ACYP2: variants seen among roughly 807,000 people sequenced by gnomAD.
ACYP2 encodes acylphosphatase 2.
Under a neutral mutation model 11.2 loss-of-function variants are expected in ACYP2, and 12 were observed. The ratio of observed to expected loss-of-function variants is 1.08; its 90% CI spans 0.69 to 1.74. The LOEUF is 1.74. ACYP2 is among the 40% of genes most tolerant of loss of function. The probability of loss-of-function intolerance (pLI) is 0.00; values close to 1 mark genes in which losing one functional copy is unlikely to be tolerated. For synonymous variants in ACYP2, 43 were observed against 32.2 expected (o/e 1.33, Z -1.13); for missense variants, 134 against 101.9 (o/e 1.31, Z -1.35).
intron 6 of ACYP2, among the ~76,000 whole-genome samples, chr2:54,176,737 A>G (rs903029502): frequency 1.3e-5 from 2 of 152,120 alleles, no homozygotes; most frequent in African/African-American, 2.4e-5. Flanking sequence ...GTTAGCTGCT[A>G]ATGGTTCTAT....
chr2:54,285,342 T>C (rs921515059), intron 6 of ACYP2, among the ~76,000 whole-genome samples: 17 of 152,212 alleles, frequency 1.1e-4, no homozygotes, highest in Admixed American at 3.3e-4. Flanking sequence ...ACTTGCTCCA[T>C]CTTCTCAGCC....
chr2:54,201,683 TCTCTCTCTCTCTCTCTTTTTTCTTTTC>T (rs1684835480), intron 6 of ACYP2, among the ~76,000 whole-genome samples: 1 of 76,768 alleles, frequency 1.3e-5, no homozygotes, highest in Non-Finnish European at 3.0e-5. Flanking sequence ...TCTTTCTTTC[TCTCTCTCTCTCTCTCTTTTTTCTTTTC>T]TTTTCTTTCT....
Position 54,047,253 on chromosome 2 carries a change from C to A in ACYP2, c.63-3705C>A, listed in dbSNP as rs928943827. 3.3e-5 allele frequency among the ~76,000 whole-genome samples: 5 copies of A among 152,172 alleles called. No homozygotes were observed. The East Asian group carries it at 9.6e-4, about 29-fold the overall frequency. On this transcript the variant is annotated intron_variant, in intron 2 of 6. Coordinates refer to ENST00000607452, the MANE Select transcript of ACYP2 (RefSeq NM_001320586.2). The stretch of plus-strand genomic sequence containing the variant: ...TTCACTGACACATTTTGTGCCAGAA[C>A]CGCAGGAGAGTAGGTGTTATTTCAA...
chr2:53,976,076 A>G (rs1299801863), intron 2 of ACYP2, among the ~76,000 whole-genome samples: 2 of 152,242 alleles, frequency 1.3e-5, no homozygotes, highest in African/African-American at 4.8e-5. Flanking sequence ...CTAATTAATC[A>G]CTTATTAGCA....
At chr2:54,204,393 G>A (rs530814871) in intron 6 of ACYP2, among the ~76,000 whole-genome samples, 41 of 151,348 alleles carry the variant, frequency 2.7e-4, no homozygotes, top group African/African-American at 7.8e-4. Flanking sequence ...TCTTCTTCCA[G>A]TGTGGCCCAG....
At chr2:53,997,953 AG>A (rs1210360943) in intron 2 of ACYP2, among the ~76,000 whole-genome samples, 3 of 152,176 alleles carry the variant, frequency 2.0e-5, no homozygotes, top group African/African-American at 4.8e-5. Context: ...AGACCTATTG[AG>A]GCTATTTATG....
chr2:54,234,970 G>A (rs1462041966), intron 6 of ACYP2, among the ~76,000 whole-genome samples: 1 of 152,092 alleles, frequency 6.6e-6, no homozygotes, highest in Non-Finnish European at 1.5e-5. Context: ...ACTAGATCCT[G>A]TTCAGACATT....
chr2:54,177,989 C>T (rs946375772), intron 6 of ACYP2, among the ~76,000 whole-genome samples: 3 of 150,660 alleles, frequency 2.0e-5, no homozygotes, highest in African/African-American at 7.3e-5. Context: ...ACTGCAAACT[C>T]TACCTCCCAG....
In ACYP2 at chr2:54,074,395, C is replaced by T. The variant is rs369148006; in HGVS notation, c.277+17035C>T. ...GGAGGATCACATGAGTCCAGGAGTTCGAGACCAACCTGGACAATACAATGA... is the reference window on the plus strand; with the variant it reads ...GGAGGATCACATGAGTCCAGGAGTTTGAGACCAACCTGGACAATACAATGA... On this transcript the variant is annotated intron_variant, in intron 4 of 6. Coordinates refer to ENST00000607452, the MANE Select transcript of ACYP2 (RefSeq NM_001320586.2). Among the ~76,000 whole-genome samples the T allele has an allele frequency of 2.1e-4, 32 of 152,040 alleles. 1 individual carries two copies. Among genetic ancestry groups the T allele is most frequent in the African/African-American group, 7.5e-4 (31 of 41,446 alleles).
chr2:54,136,700 A>G (rs1877906), intron 5 of ACYP2, among the ~76,000 whole-genome samples: 87,693 of 152,018 alleles, frequency 0.58, 25,572 homozygotes, highest in East Asian at 0.72. Flanking sequence ...CTAAGGCCGG[A>G]TGCAGTGGCT....
chr2:54,081,372 C>T (rs957718949), intron 4 of ACYP2, among the ~76,000 whole-genome samples: 1 of 152,114 alleles, frequency 6.6e-6, no homozygotes, highest in Non-Finnish European at 1.5e-5. Flanking sequence ...TAGGATGGCC[C>T]GCCTAGAAAA....
intron 6 of ACYP2, among the ~76,000 whole-genome samples, chr2:54,189,459 C>G (rs1684144106): frequency 1.3e-5 from 2 of 152,158 alleles, no homozygotes; most frequent in Non-Finnish European, 2.9e-5. Flanking sequence ...ATAATGTCCT[C>G]CAGGTTCATC....
chr2:54,112,606 T>G (rs535605356), intron 4 of ACYP2, among the ~76,000 whole-genome samples: 1 of 152,208 alleles, frequency 6.6e-6, no homozygotes, highest in Non-Finnish European at 1.5e-5. Flanking sequence ...GGACTCACAG[T>G]AGGTAAATGT....
At chr2:54,185,032 A>G (rs1444129312) in intron 6 of ACYP2, among the ~76,000 whole-genome samples, 1 of 152,102 alleles carries the variant, frequency 6.6e-6, no homozygotes, top group Admixed American at 6.5e-5. Context: ...TTTTTAGTAG[A>G]GACGGGGTTT....
chr2:54,201,636 C>CCCTTTCTTTCTTTCTT (rs1553391349), intron 6 of ACYP2, among the ~76,000 whole-genome samples: 1 of 93,662 alleles, frequency 1.1e-5, no homozygotes, highest in African/African-American at 4.3e-5. Context: ...TTCTTTCTTT[C>CCCTTTCTTTCTTTCTT]TCTTTCTTTC....
Position 54,201,594 on chromosome 2 carries a change from C to T in ACYP2, c.404+62846C>T, listed in dbSNP as rs201443282. Among the ~76,000 whole-genome samples, 217 of 95,700 alleles carry T rather than the reference C, an allele frequency of 2.3e-3. 2 individuals are homozygous for T. The highest frequency in any genetic ancestry group is 8.1e-3 in the African/African-American group (200 of 24,830). The allele number at this position is 95,700 out of a possible 152,430, so 62.8% of individuals were successfully genotyped here. ...ATAGCCAGCTTCTTTTTCTTTCTTT[C>T]TCTTTCTTTCTTTCTTTCTTTCTTT... On this transcript the variant is annotated intron_variant, in intron 6 of 6. Coordinates refer to ENST00000607452, the MANE Select transcript of ACYP2 (RefSeq NM_001320586.2).
intron 4 of ACYP2, among the ~76,000 whole-genome samples, chr2:54,096,830 AGGGAGAGGGAGACCGTG>A (rs1428329245): frequency 2.0e-5 from 3 of 151,440 alleles, no homozygotes; most frequent in Non-Finnish European, 4.4e-5. Flanking sequence ...GTGGAAAGAG[AGGGAGAGGGAGACCGTG>A]GGGAGAGGGA....
chr2:54,296,168 T>C lies in ACYP2; in HGVS notation c.405-8520T>C, dbSNP rs183950116. ...TTACAAAATGTGATCGTTGACATCA[T>C]GCATGCAACAGAGTAGGGGTGGGGC... On this transcript the variant is annotated intron_variant, in intron 6 of 6. Transcript: ENST00000607452. Among the ~76,000 whole-genome samples, 21 of 152,280 alleles carry C rather than the reference T, an allele frequency of 1.4e-4. No individual in the cohort carries two copies. In the South Asian group the frequency reaches 3.5e-3, roughly 26 times the overall value.
At chr2:54,006,675 C>A (rs1403407100) in intron 2 of ACYP2, among the ~76,000 whole-genome samples, 1 of 152,048 alleles carries the variant, frequency 6.6e-6, no homozygotes, top group African/African-American at 2.4e-5. Flanking sequence ...GCTTTGTCAC[C>A]CAGGCTAGAG....
Sources: allele counts gnomAD v4.1 joint callset (sites outside exome capture counted in the v4.1 genomes callset), GRCh38; gene constraint gnomAD v4.1.1; transcripts MANE v1.5; gene names NCBI Gene and HGNC (gene_info 2026-07-23, HGNC 2026-07-21).